The following TMC7 variants were observed in gnomAD, a reference collection of about 807,000 sequenced individuals.
The protein encoded by TMC7 is transmembrane channel like 7.
Under a neutral mutation model 82.9 loss-of-function variants are expected in TMC7, and 54 were observed. That is an observed-to-expected ratio of 0.65 (90% CI 0.52 to 0.82). The LOEUF (loss-of-function observed/expected upper bound fraction) is 0.82. Among genes scored for constraint, TMC7 ranks in the 40% least tolerant of loss-of-function variants. The probability of loss-of-function intolerance (pLI) is 0.00; values close to 1 mark genes in which losing one functional copy is unlikely to be tolerated. For synonymous variants in TMC7, 350 were observed against 337.9 expected (o/e 1.04, Z -0.39); for missense variants, 820 against 901.2 (o/e 0.91, Z 1.15).
chr16:19,046,617 T>C (rs1233092718), intron 11 of TMC7, among the ~76,000 whole-genome samples: 1 of 152,092 alleles, frequency 6.6e-6, no homozygotes, highest in Non-Finnish European at 1.5e-5. Context: ...GGAGGATCAC[T>C]TGAGGCCAGG....
In TMC7 at chr16:19,038,074, C is replaced by T; in HGVS notation, c.1179+27C>T. ...TAAATTAACTTGTACTCTGGCTGGACATTATGCCTAGTGCACTGAAAATCT... is the reference window on the plus strand; with the variant it reads ...TAAATTAACTTGTACTCTGGCTGGATATTATGCCTAGTGCACTGAAAATCT... On this transcript the variant is annotated intron_variant, in intron 8 of 15. Transcript: ENST00000304381. 3 of 1,603,212 alleles carry T rather than the reference C, an allele frequency of 1.9e-6. No individual in the cohort carries two copies. In the South Asian group the frequency reaches 3.4e-5, roughly 18 times the overall value.
intron 1 of TMC7, among the ~76,000 whole-genome samples, chr16:19,006,065 G>A (rs1306019278): frequency 6.6e-6 from 1 of 152,274 alleles, no homozygotes. Flanking sequence ...ATCCTCATCC[G>A]GTTGGTGCCT....
Position 19,035,802 on chromosome 16 carries a change from C to A in TMC7, c.984C>A (p.Ser328Arg). The A allele has an allele frequency of 6.3e-7, 1 of 1,599,950 alleles. No individual in the cohort carries two copies. The highest frequency in any genetic ancestry group is 8.5e-7 in the Non-Finnish European group (1 of 1,172,808). Reference protein sequence around the residue: ...TNRSMADLKHSSLRYELRADL... With the variant: ...TNRSMADLKHRSLRYELRADL... ...GCAGCATGGCGGATCTGAAGCACAG[C>A]AGCTTGCGGTACGAGCTCCGAGTGA... Residue 328 changes from serine (S) to arginine (R), a missense_variant, in exon 7 of 16, where the codon AGC becomes AGA. By Grantham distance (110) the Ser-to-Arg change is moderately radical. Coordinates refer to ENST00000304381, the MANE Select transcript of TMC7 (RefSeq NM_024847.4).
chr16:19,054,555 A>C (rs2142311688), intron 13 of TMC7, among the ~76,000 whole-genome samples: 1 of 152,056 alleles, frequency 6.6e-6, no homozygotes, highest in Non-Finnish European at 1.5e-5. Context: ...GTCTCTACTA[A>C]AAATACAAAA....
At chr16:19,013,850 G>GAT in intron 2 of TMC7, among the ~76,000 whole-genome samples, 1 of 65,298 alleles carries the variant, frequency 1.5e-5, no homozygotes, top group East Asian at 6.4e-4. Context: ...TAGCACTCTT[G>GAT]CTTTTTTTTT....
chr16:19,055,941 G>A lies in TMC7; in HGVS notation c.1872-601G>A, dbSNP rs745973072. On this transcript the variant is annotated intron_variant, in intron 13 of 15. Coordinates refer to ENST00000304381, the MANE Select transcript of TMC7 (RefSeq NM_024847.4). ...TTCCTCACTTCTAAATTAAGAGACC[G>A]GAGAATAGAATGCCCACATTTTGGA... Among the ~76,000 whole-genome samples the A allele has an allele frequency of 1.1e-3, 174 of 152,244 alleles. 3 individuals carry two copies. The highest frequency in any genetic ancestry group is 5.2e-4 in the Admixed American group (8 of 15,270).
At chr16:19,035,932 C>T in intron 7 of TMC7, 109 bp downstream of exon 7, 4 of 1,308,930 alleles carry the variant, frequency 3.1e-6, no homozygotes, top group South Asian at 3.0e-5. Flanking sequence ...CAGGTTGTCC[C>T]TGGTACTTAG....
chr16:18,998,729 G>A (rs1193563245), intron 1 of TMC7, among the ~76,000 whole-genome samples: 1 of 145,800 alleles, frequency 6.9e-6, no homozygotes, highest in Non-Finnish European at 1.5e-5. Context: ...ACTCCAGCCT[G>A]GGTGACAGAG....
intron 2 of TMC7, among the ~76,000 whole-genome samples, chr16:19,016,089 T>C (rs1020638061): frequency 2.4e-4 from 36 of 152,112 alleles, no homozygotes; most frequent in African/African-American, 8.2e-4. Context: ...GCTGAGTCTT[T>C]CTTTTCTTTT....
intron 1 of TMC7, among the ~76,000 whole-genome samples, chr16:19,002,417 A>G (rs1263736646): frequency 2.6e-5 from 4 of 151,852 alleles, no homozygotes; most frequent in South Asian, 4.1e-4. Flanking sequence ...GTATTTTTTT[A>G]GTAGAGACAG....
At chr16:18,987,467 T>C (rs1243556641) in intron 1 of TMC7, among the ~76,000 whole-genome samples, 2 of 151,996 alleles carry the variant, frequency 1.3e-5, no homozygotes, top group African/African-American at 4.8e-5. Flanking sequence ...CGTGCCACCA[T>C]GCCCAGCTGA....
chr16:19,052,738 G>A (rs538848126), intron 13 of TMC7, among the ~76,000 whole-genome samples: 153 of 152,090 alleles, frequency 1.0e-3, no homozygotes, highest in African/African-American at 3.6e-3. Context: ...TATGAGACAC[G>A]GTCTCACTCT....
rs559589997 is a variant in TMC7 at position 18,995,857 on chromosome 16, T to C, written c.67+11727T>C. ...CCAATGTCAGGAGTGGACTGGGTAA[T>C]AAAGTGCATATTGAGAATAAGACAG... On this transcript the variant is annotated intron_variant, in intron 1 of 15. Coordinates refer to ENST00000304381, the MANE Select transcript of TMC7 (RefSeq NM_024847.4). 2.6e-5 allele frequency among the ~76,000 whole-genome samples: 4 copies of C among 152,200 alleles called. No homozygotes were observed. The South Asian group carries it at 8.3e-4, about 32-fold the overall frequency.
chr16:18,998,968 A>C (rs937215138), intron 1 of TMC7, among the ~76,000 whole-genome samples: 1 of 152,096 alleles, frequency 6.6e-6, no homozygotes, highest in Non-Finnish European at 1.5e-5. Context: ...CAGATCCGGG[A>C]GGCTACCAGG....
At chr16:18,987,196 AC>A (rs1287478334) in intron 1 of TMC7, among the ~76,000 whole-genome samples, 1 of 152,114 alleles carries the variant, frequency 6.6e-6, no homozygotes, top group Non-Finnish European at 1.5e-5. Context: ...GAGGCAATGC[AC>A]CCATCTCACT....
chr16:19,029,849 G>T (rs1411953630), intron 5 of TMC7, among the ~76,000 whole-genome samples: 1 of 151,838 alleles, frequency 6.6e-6, no homozygotes, highest in South Asian at 2.1e-4. Flanking sequence ...AGTAGCTGGG[G>T]TTACAGGCGC....
chr16:19,053,973 G>A (rs554975552), intron 13 of TMC7, among the ~76,000 whole-genome samples: 11 of 151,494 alleles, frequency 7.3e-5, no homozygotes, highest in African/African-American at 1.7e-4. Flanking sequence ...GTGAGCCACC[G>A]TGACTGGCCA....
At chr16:19,051,484 T>C (rs1961539452) in intron 12 of TMC7, among the ~76,000 whole-genome samples, 1 of 149,068 alleles carries the variant, frequency 6.7e-6, no homozygotes, top group Non-Finnish European at 1.5e-5. Flanking sequence ...TTCCCACCTA[T>C]GAGTGAGAAC....
chr16:19,040,492 C>A, intron 9 of TMC7, 46 bp downstream of exon 9: 1 of 1,551,848 alleles, frequency 6.4e-7, no homozygotes, highest in Non-Finnish European at 8.8e-7. Context: ...CCAGTCACTA[C>A]CTGCCCACTC....
Sources: gnomAD v4.1 joint callset for allele counts (sites outside exome capture counted in the v4.1 genomes callset) on GRCh38, gnomAD v4.1.1 for gene constraint, MANE v1.5 for transcripts, NCBI Gene and HGNC (gene_info 2026-07-23, HGNC 2026-07-21) for gene names.